The following AKAP12 variants were observed in gnomAD, a reference collection of about 807,000 sequenced individuals.
The protein encoded by AKAP12 is A-kinase anchor protein 12.
In AKAP12, 32 loss-of-function variants were observed where a neutral mutation model predicts 79.9. The observed-to-expected ratio is 0.40, with a 90% CI of 0.30 to 0.54. AKAP12 has a LOEUF of 0.54. Among genes scored for constraint, AKAP12 ranks in the 20% least tolerant of loss-of-function variants. AKAP12 has a pLI of 0.48. For synonymous variants in AKAP12, 808 were observed against 857.0 expected (o/e 0.94, Z 1.00); for missense variants, 2,074 against 2,177.0 (o/e 0.95, Z 0.94).
At chr6:151,345,354 C>T (rs1021705888) in intron 3 of AKAP12, among the ~76,000 whole-genome samples, 3 of 151,490 alleles carry the variant, frequency 2.0e-5, no homozygotes, top group Non-Finnish European at 4.4e-5. Context: ...GGATTACAGG[C>T]GTGAGCCACC....
intron 2 of AKAP12, among the ~76,000 whole-genome samples, chr6:151,286,484 G>A (rs934398750): frequency 3.9e-5 from 6 of 152,290 alleles, no homozygotes; most frequent in East Asian, 3.9e-4. Flanking sequence ...TGGATGGGGC[G>A]TCGGCTTGCA....
Position 151,240,552 on chromosome 6 carries a change from GC to G in AKAP12, c.-10del. 6.9e-7 allele frequency: 1 copy of G among 1,440,492 alleles called. No homozygotes were observed. The highest frequency in any genetic ancestry group is 9.1e-7 in the Non-Finnish European group (1 of 1,103,350). 89.2% of individuals were successfully genotyped at this position (1,440,492 alleles called of 1,614,324 possible). On this transcript the variant is annotated 5_prime_UTR_variant, in exon 2 of 5. Transcript: ENST00000402676. ...CCCGGCGGCTAGGCGCGGGAGAAGTGCGGAGGAGCCATGGGCGCCGGGAGCT... is the reference window on the plus strand; with the variant it reads ...CCCGGCGGCTAGGCGCGGGAGAAGTGGGAGGAGCCATGGGCGCCGGGAGCT...
In AKAP12 at chr6:151,353,423, G is replaced by A. The variant is rs1778354635; in HGVS notation, c.5032G>A (p.Asp1678Asn). The A allele has an allele frequency of 6.2e-7, 1 of 1,614,092 alleles. No homozygotes were observed. The highest frequency in any genetic ancestry group is 1.3e-5 in the African/African-American group (1 of 74,934). The change falls in exon 4 of 5, where the codon GAT (aspartate) becomes AAT (asparagine). Residue 1678 changes from aspartate (D) to asparagine (N), a missense_variant. Physicochemically the swap from Asp to Asn is conservative, Grantham distance 23. Transcript: ENST00000402676. ...AGCTGGAACAAAGTCTGTGCCAGAA[G>A]ATGATGGTCATGCCTTGTTAGCAGA... ...GGAGTKSVPE[D>N]DGHALLAERI...
intron 2 of AKAP12, among the ~76,000 whole-genome samples, chr6:151,263,909 C>G (rs1046897561): frequency 6.6e-6 from 1 of 152,142 alleles, no homozygotes; most frequent in African/African-American, 2.4e-5. Context: ...TTCTTGGCTT[C>G]CATTACATCT....
chr6:151,353,541 C>T lies in AKAP12; in HGVS notation c.5150C>T (p.Thr1717Ile), dbSNP rs1334135683. 5 of 1,614,034 alleles carry T rather than the reference C, an allele frequency of 3.1e-6. No individual in the cohort carries two copies. The African/African-American group carries it at 5.3e-5, about 17-fold the overall frequency. The change falls in exon 4 of 5, where the codon ACT becomes ATT. Residue 1717 changes from threonine (T) to isoleucine (I), a missense_variant. Around this residue, in one of 3 missense-constraint regions of AKAP12, gnomAD observed 614 missense variants for 665.6 expected, o/e 0.92. Coordinates refer to ENST00000402676, the MANE Select transcript of AKAP12 (RefSeq NM_005100.4). The stretch of plus-strand genomic sequence containing the variant: ...AACCAGAACTCAGCCCTGGCTGATA[C>T]TGATGCCTCAGGAGGCTTAACCAAA... ...PENQNSALAD[T>I]DASGGLTKES...
intron 3 of AKAP12, among the ~76,000 whole-genome samples, chr6:151,311,676 T>C (rs1455240919): frequency 1.3e-5 from 2 of 152,320 alleles, no homozygotes; most frequent in East Asian, 1.9e-4. Context: ...CTTTAGAGAA[T>C]TTCATTTTTC....
intron 2 of AKAP12, among the ~76,000 whole-genome samples, chr6:151,304,646 C>T (rs1776938782): frequency 6.6e-6 from 1 of 151,356 alleles, no homozygotes; most frequent in East Asian, 2.0e-4. Flanking sequence ...CTCGCTGTAA[C>T]CTCCACCTCC....
chr6:151,266,016 A>G (rs1797543851), intron 2 of AKAP12, among the ~76,000 whole-genome samples: 1 of 152,224 alleles, frequency 6.6e-6, no homozygotes, highest in Non-Finnish European at 1.5e-5. Context: ...GCATTTCACC[A>G]AAGTGATTTG....
In AKAP12 at chr6:151,240,447, G is replaced by T; in HGVS notation, c.-116G>T. On this transcript the variant is annotated 5_prime_UTR_variant, in exon 2 of 5. Transcript: ENST00000402676. ...GGCGCGTTCGCAGTCGGCTGGCGGC[G>T]AAGGAAGGCGCTCTCGGGACCTCGC... 3.4e-6 allele frequency: 4 copies of T among 1,180,160 alleles called. No individual in the cohort carries two copies. Among genetic ancestry groups the T allele is most frequent in the Non-Finnish European group, 4.3e-6 (4 of 924,198 alleles). 73.1% of individuals were successfully genotyped at this position (1,180,160 alleles called of 1,614,324 possible).
intron 2 of AKAP12, among the ~76,000 whole-genome samples, chr6:151,266,169 A>G (rs942482248): frequency 3.4e-4 from 52 of 152,260 alleles, no homozygotes; most frequent in African/African-American, 1.1e-3. Context: ...ATCAACTTGC[A>G]TGAGAAGTGA....
At position 151,287,776 on chromosome 6, in the gene AKAP12, G is replaced by A. The variant is rs575967608; in HGVS notation, c.163-17971G>A. ...AGACACATGCATACGTATGTTTATT[G>A]CAGCACTGTTCACAATAGCAAAGAC... On this transcript the variant is annotated intron_variant, in intron 2 of 4. Coordinates refer to ENST00000402676, the MANE Select transcript of AKAP12 (RefSeq NM_005100.4). 1.4e-3 allele frequency among the ~76,000 whole-genome samples: 215 copies of A among 152,220 alleles called. 1 individual carries two copies. The highest frequency in any genetic ancestry group is 5.0e-3 in the African/African-American group (208 of 41,526).
Position 151,258,705 on chromosome 6 carries a change from G to T in AKAP12, c.162+17981G>T, listed in dbSNP as rs959730486. On this transcript the variant is annotated intron_variant, in intron 2 of 4. Transcript: ENST00000402676. ...CTGTTGCCCAGGCTGGAGTGCAGTGGCACTATCTTGGCTCCTGGGTTCAAG... is the reference window on the plus strand; with the variant it reads ...CTGTTGCCCAGGCTGGAGTGCAGTGTCACTATCTTGGCTCCTGGGTTCAAG... Among the ~76,000 whole-genome samples, 5 of 151,942 alleles carry T rather than the reference G, an allele frequency of 3.3e-5. No individual in the cohort carries two copies. In the East Asian group the frequency reaches 7.7e-4, roughly 24 times the overall value.
intron 3 of AKAP12, among the ~76,000 whole-genome samples, chr6:151,333,477 G>A (rs985123960): frequency 2.6e-4 from 39 of 152,148 alleles, no homozygotes; most frequent in African/African-American, 8.7e-4. Flanking sequence ...CAGGCCGGGC[G>A]CAGTGGCTCA....
chr6:151,259,414 A>G (rs891101262), intron 2 of AKAP12, among the ~76,000 whole-genome samples: 3 of 149,624 alleles, frequency 2.0e-5, no homozygotes, highest in Admixed American at 6.8e-5. Flanking sequence ...ATATTTATAT[A>G]TGTATATATA....
At chr6:151,347,566 A>G (rs1778133224) in intron 3 of AKAP12, among the ~76,000 whole-genome samples, 4 of 152,332 alleles carry the variant, frequency 2.6e-5, no homozygotes, top group South Asian at 2.1e-4. Context: ...AAGTTTGTCA[A>G]CTTTCCCTTT....
chr6:151,269,320 T>C (rs977963177), intron 2 of AKAP12, among the ~76,000 whole-genome samples: 7 of 152,170 alleles, frequency 4.6e-5, no homozygotes, highest in African/African-American at 1.7e-4. Flanking sequence ...TAAAATTTTT[T>C]ATTATTCAGT....
rs371129131 is a variant in AKAP12, at chr6:151,320,725, G to A, written c.319+14822G>A. On this transcript the variant is annotated intron_variant, in intron 3 of 4. Coordinates refer to ENST00000402676, the MANE Select transcript of AKAP12 (RefSeq NM_005100.4). ...TTTGTTGCTTCAGTCTCTTCCTCCC[G>A]TCATCACAGCCTGGTTGCCTTTTCT... Among the ~76,000 whole-genome samples the A allele has an allele frequency of 2.4e-4, 36 of 152,112 alleles. No homozygotes were observed. The South Asian group carries it at 5.2e-3, about 22-fold the overall frequency.
At chr6:151,345,963 GAA>G (rs879578798) in intron 3 of AKAP12, among the ~76,000 whole-genome samples, 4,335 of 135,782 alleles carry the variant, frequency 0.032, 125 homozygotes, top group Non-Finnish European at 0.047. Flanking sequence ...GAGAGAGAGA[GAA>G]AGGAGAGACA....
intron 2 of AKAP12, among the ~76,000 whole-genome samples, chr6:151,301,819 A>G (rs1031512565): frequency 3.9e-5 from 6 of 152,100 alleles, no homozygotes; most frequent in African/African-American, 1.4e-4. Context: ...ATCGTTTTCT[A>G]CCGAAGTTAA....
Sources: gnomAD v4.1 joint callset for allele counts (sites outside exome capture counted in the v4.1 genomes callset) on GRCh38, gnomAD v4.1.1 for gene constraint, gnomAD v4.1.1 regional missense constraint, MANE v1.5 for transcripts, NCBI Gene and HGNC (gene_info 2026-07-23, HGNC 2026-07-21) for gene names.